Variants in CDH13 observed in about 807,000 individuals in gnomAD.
The protein encoded by CDH13 is cadherin 13.
CDH13 carries 24 observed loss-of-function variants against 63.8 expected under a neutral mutation model. The observed-to-expected ratio is 0.38, with a 90% CI of 0.27 to 0.53. CDH13 has a LOEUF of 0.53. CDH13 is among the 20% of genes least tolerant of loss of function. The pLI is 0.85. For missense variants in CDH13, 1,049 were observed against 903.1 expected (o/e 1.16, Z -2.07); for synonymous variants, 503 against 355.3 (o/e 1.42, Z -4.67).
intron 1 of CDH13, among the ~76,000 whole-genome samples, chr16:82,777,998 G>C (rs1051661210): frequency 1.3e-5 from 2 of 152,168 alleles, no homozygotes; most frequent in Non-Finnish European, 2.9e-5. Flanking sequence ...AGTCATAGAA[G>C]AGATGCCCTG....
At chr16:82,915,583 G>C (rs1029720544) in intron 2 of CDH13, among the ~76,000 whole-genome samples, 1 of 152,032 alleles carries the variant, frequency 6.6e-6, no homozygotes, top group African/African-American at 2.4e-5. Flanking sequence ...GTCGACAGGA[G>C]GAGGGAGAGT....
At chr16:82,695,690 A>G (rs1354604806) in intron 1 of CDH13, among the ~76,000 whole-genome samples, 2 of 152,244 alleles carry the variant, frequency 1.3e-5, no homozygotes, top group Non-Finnish European at 2.9e-5. Flanking sequence ...AATTCTTGAA[A>G]GAGACATGAT....
chr16:83,127,400 T>C (rs1490279484), intron 4 of CDH13, among the ~76,000 whole-genome samples: 1 of 152,118 alleles, frequency 6.6e-6, no homozygotes, highest in Non-Finnish European at 1.5e-5. Context: ...GAGGGGAGTT[T>C]GGTGGTGATC....
At chr16:83,033,191 C>T (rs1488507539) in intron 3 of CDH13, among the ~76,000 whole-genome samples, 3 of 152,130 alleles carry the variant, frequency 2.0e-5, no homozygotes, top group Non-Finnish European at 4.4e-5. Flanking sequence ...CTAACCTGCC[C>T]AACCTACTCA....
chr16:82,828,283 C>A (rs907112155), intron 1 of CDH13, among the ~76,000 whole-genome samples: 3 of 152,188 alleles, frequency 2.0e-5, no homozygotes, highest in African/African-American at 7.2e-5. Flanking sequence ...CCCTTCGTAT[C>A]CACAGGCTCC....
intron 2 of CDH13, among the ~76,000 whole-genome samples, chr16:83,003,634 A>G (rs1004167881): frequency 1.3e-5 from 2 of 152,224 alleles, no homozygotes; most frequent in African/African-American, 4.8e-5. Flanking sequence ...ATGTCCTGGA[A>G]TGTTACAGAA....
chr16:83,543,962 C>A (rs2075338406), intron 7 of CDH13, among the ~76,000 whole-genome samples: 1 of 152,170 alleles, frequency 6.6e-6, no homozygotes, highest in South Asian at 2.1e-4. Context: ...AGCAGGAGTG[C>A]CAGGGAGAAC....
At chr16:82,674,670 G>T (rs766738752) in intron 1 of CDH13, among the ~76,000 whole-genome samples, 7 of 152,192 alleles carry the variant, frequency 4.6e-5, no homozygotes, top group Admixed American at 1.3e-4. Flanking sequence ...TGAGAAATAT[G>T]AGATGTGTCA....
chr16:83,699,207 C>G (rs1293187131), intron 10 of CDH13, among the ~76,000 whole-genome samples: 1 of 152,224 alleles, frequency 6.6e-6, no homozygotes, highest in Non-Finnish European at 1.5e-5. Flanking sequence ...GACCTAAGCC[C>G]CAGTGGCAGC....
rs1555522986 is a variant in CDH13, at chr16:83,271,422, T to TTAAAAAAAAAAAAAAAAAAAAAAA, written c.636+53925_636+53926insTAAAAAAAAAAAAAAAAAAAAAAA. Among the ~76,000 whole-genome samples, 14 of 26,032 alleles carry TTAAAAAAAAAAAAAAAAAAAAAAA rather than the reference T, an allele frequency of 5.4e-4. 2 individuals are homozygous for TTAAAAAAAAAAAAAAAAAAAAAAA. Among genetic ancestry groups the TTAAAAAAAAAAAAAAAAAAAAAAA allele is most frequent in the South Asian group, 2.1e-3 (1 of 484 alleles). 17.1% of individuals were successfully genotyped at this position (26,032 alleles called of 152,430 possible). On this transcript the variant is annotated intron_variant, in intron 5 of 13. Transcript: ENST00000567109. ...CTACCGCACATTGAGGCAGAGTTCA[T>TTAAAAAAAAAAAAAAAAAAAAAAA]AAAAAAAAAAAAAAAAAAAAAAAAA...
chr16:83,398,024 C>T lies in CDH13; in HGVS notation c.781+53018C>T, dbSNP rs2091913303. The T allele has an allele frequency of 2.3e-5, 3 of 129,686 alleles. No individual in the cohort carries two copies. The South Asian group carries it at 7.3e-4, about 32-fold the overall frequency. 8.0% of individuals were successfully genotyped at this position (129,686 alleles called of 1,614,324 possible). Reference sequence around the variant, plus strand: ...TCTGCTGTCCTGGGGAAAAAATACCCATGTCTTCAGCCAGCCACAATTCAA... The same window carrying T: ...TCTGCTGTCCTGGGGAAAAAATACCTATGTCTTCAGCCAGCCACAATTCAA... On this transcript the variant is annotated intron_variant, in intron 6 of 13. Transcript: ENST00000567109.
At chr16:83,565,889 C>T (rs987884217) in intron 7 of CDH13, among the ~76,000 whole-genome samples, 10 of 151,908 alleles carry the variant, frequency 6.6e-5, no homozygotes, top group Non-Finnish European at 1.2e-4. Flanking sequence ...TGGCTTATGA[C>T]TTTTCTTTTG....
At chr16:83,373,843 G>A (rs796937996) in intron 6 of CDH13, among the ~76,000 whole-genome samples, 10 of 152,238 alleles carry the variant, frequency 6.6e-5, no homozygotes, top group East Asian at 1.9e-4. Flanking sequence ...TCTGGAAGGC[G>A]TGAGTCCCAT....
chr16:82,747,595 C>T (rs2034234772), intron 1 of CDH13, among the ~76,000 whole-genome samples: 1 of 152,202 alleles, frequency 6.6e-6, no homozygotes, highest in African/African-American at 2.4e-5. Flanking sequence ...AATGGCACTA[C>T]TGTTTAACGA....
At chr16:83,375,909 G>C (rs2091451997) in intron 6 of CDH13, among the ~76,000 whole-genome samples, 1 of 152,128 alleles carries the variant, frequency 6.6e-6, no homozygotes, top group Admixed American at 6.6e-5. Flanking sequence ...TACAGGTGTT[G>C]GAGAGAGGCA....
intron 6 of CDH13, among the ~76,000 whole-genome samples, chr16:83,428,390 A>G (rs1042720395): frequency 2.0e-5 from 3 of 151,946 alleles, no homozygotes; most frequent in East Asian, 1.9e-4. Flanking sequence ...TTTAACTCCA[A>G]TATTTTCCTG....
chr16:82,815,995 G>T (rs953233658), intron 1 of CDH13, among the ~76,000 whole-genome samples: 1 of 152,138 alleles, frequency 6.6e-6, no homozygotes, highest in Non-Finnish European at 1.5e-5. Context: ...GTATTACCAA[G>T]TATGTGACAG....
intron 8 of CDH13, among the ~76,000 whole-genome samples, chr16:83,661,038 A>T (rs533014902): frequency 5.0e-4 from 73 of 147,192 alleles, no homozygotes; most frequent in African/African-American, 1.8e-3. Flanking sequence ...AACTCTCTTT[A>T]GCAGCAAAAC....
At chr16:83,702,291 T>C (rs931970314) in intron 10 of CDH13, among the ~76,000 whole-genome samples, 3 of 152,218 alleles carry the variant, frequency 2.0e-5, no homozygotes, top group African/African-American at 4.8e-5. Context: ...CTGTGATAGA[T>C]AACCCCTCAA....
Sources: gnomAD v4.1 joint callset for allele counts (sites outside exome capture counted in the v4.1 genomes callset) on GRCh38, gnomAD v4.1.1 for gene constraint, MANE v1.5 for transcripts, NCBI Gene and HGNC (gene_info 2026-07-23, HGNC 2026-07-21) for gene names.